Variants in HIBCH observed in about 807,000 individuals in gnomAD.
HIBCH encodes the protein 3-hydroxyisobutyryl-CoA hydrolase, mitochondrial.
A neutral mutation model predicts 58.2 loss-of-function variants in HIBCH; 50 were observed. The ratio of observed to expected loss-of-function variants is 0.86; its 90% CI spans 0.68 to 1.09. The LOEUF is 1.09. HIBCH is among the 50% of genes least tolerant of loss of function. HIBCH has a pLI of 0.00. For synonymous variants in HIBCH, 151 were observed against 146.9 expected, an observed-to-expected ratio of 1.03 and a Z score of -0.20; for missense variants, 450 against 449.7, an observed-to-expected ratio of 1.00 and a Z score of -0.01.
intron 2 of HIBCH, among the ~76,000 whole-genome samples, chr2:190,301,504 G>A (rs531126296): frequency 6.6e-6 from 1 of 152,284 alleles, no homozygotes; most frequent in East Asian, 1.9e-4. Flanking sequence ...AAGGAGTAGT[G>A]CCTGACTACA....
downstream of HIBCH, chr2:190,200,128 AT>A (rs1168193655): frequency 6.2e-7 from 1 of 1,613,804 alleles, no homozygotes; most frequent in Non-Finnish European, 8.5e-7. Flanking sequence ...CATTCCATAC[AT>A]TGAGAGTGAG....
chr2:190,238,559 G>A (rs938233355), intron 11 of HIBCH, among the ~76,000 whole-genome samples: 1 of 152,152 alleles, frequency 6.6e-6, no homozygotes, highest in Non-Finnish European at 1.5e-5. Context: ...CTGCCTCCCA[G>A]GTTCAAGCGA....
chr2:190,303,091 G>A (rs2124841318), intron 2 of HIBCH, among the ~76,000 whole-genome samples: 1 of 152,194 alleles, frequency 6.6e-6, no homozygotes, highest in Middle Eastern at 3.4e-3. Context: ...CCTGACCTAT[G>A]GTACTGGATT....
intron 1 of HIBCH, among the ~76,000 whole-genome samples, chr2:190,318,086 A>C (rs1334058538): frequency 1.3e-5 from 2 of 151,942 alleles, no homozygotes; most frequent in Admixed American, 1.3e-4. Flanking sequence ...TCGGCCTCCC[A>C]AAGTGCTGGG....
At chr2:190,195,114 A>G (rs932628020) in intron 1 of HIBCH, among the ~76,000 whole-genome samples, 1 of 152,136 alleles carries the variant, frequency 6.6e-6, no homozygotes, top group Non-Finnish European at 1.5e-5. Context: ...TACTCGCCTC[A>G]GCCTCCCAAA....
chr2:190,245,585 T>TA (rs1046673406), intron 10 of HIBCH, among the ~76,000 whole-genome samples: 28 of 151,064 alleles, frequency 1.9e-4, no homozygotes, highest in East Asian at 7.7e-4. Context: ...TTCCCCACTT[T>TA]AAAAAAAAAG....
chr2:190,276,796 C>G (rs1687564685), intron 6 of HIBCH, among the ~76,000 whole-genome samples: 1 of 152,112 alleles, frequency 6.6e-6, no homozygotes, highest in South Asian at 2.1e-4. Flanking sequence ...GACTAACACA[C>G]CAGTCTTTAA....
chr2:190,207,885 AAAAATAAAAT>A lies in HIBCH; in HGVS notation c.1045+985_1045+994del, dbSNP rs150198413. Among the ~76,000 whole-genome samples the A allele has an allele frequency of 6.6e-6, 1 of 151,576 alleles. No homozygotes were observed. The highest frequency in any genetic ancestry group is 2.4e-5 in the African/African-American group (1 of 41,120). On this transcript the variant is annotated intron_variant, in intron 13 of 13. Coordinates refer to ENST00000359678, the MANE Select transcript of HIBCH (RefSeq NM_014362.4). The surrounding 1 kb of genome is among the most constrained non-coding windows in gnomAD (Gnocchi z 4.5). The stretch of plus-strand genomic sequence containing the variant: ...GACAGTGTGAGACCCTGTCTCCAAA[AAAAATAAAAT>A]AAAATAAAAAAAACAAAGGATATCC...
Position 190,281,348 on chromosome 2 carries a change from C to T in HIBCH, c.438+6238G>A, listed in dbSNP as rs1294963243. ...ATATCTTCTGGAGCTGCAGGTCAAG[C>T]TGTACCTGGGGCACTTGAGCCATAG... On this transcript the variant is annotated intron_variant, in intron 6 of 13. Coordinates refer to ENST00000359678, the MANE Select transcript of HIBCH (RefSeq NM_014362.4). The surrounding 1 kb of genome is among the most constrained non-coding windows in gnomAD (Gnocchi z 5.4). Among the ~76,000 whole-genome samples the T allele has an allele frequency of 6.6e-6, 1 of 152,186 alleles. No individual in the cohort carries two copies. The highest frequency in any genetic ancestry group is 1.5e-5 in the Non-Finnish European group (1 of 68,036).
At chr2:190,234,864 T>C (rs1218706666) in intron 11 of HIBCH, among the ~76,000 whole-genome samples, 2 of 149,880 alleles carry the variant, frequency 1.3e-5, no homozygotes, top group Admixed American at 6.7e-5. Context: ...ACAAAACGTA[T>C]GGTGTGAGAA....
intron 1 of HIBCH, among the ~76,000 whole-genome samples, chr2:190,196,986 T>A (rs1690010756): frequency 6.6e-6 from 1 of 152,192 alleles, no homozygotes; most frequent in African/African-American, 2.4e-5. Flanking sequence ...GTTTAAGGCA[T>A]GAGCATATAT....
At chr2:190,201,480 C>T (rs1013530513), downstream of HIBCH, 1 of 166,842 alleles carries the variant, frequency 6.0e-6, no homozygotes, top group Non-Finnish European at 1.5e-5. Flanking sequence ...CCACAATACA[C>T]CATTGGTATT....
At chr2:190,271,381 C>T (rs930976969) in intron 6 of HIBCH, among the ~76,000 whole-genome samples, 12 of 150,850 alleles carry the variant, frequency 8.0e-5, no homozygotes, top group Admixed American at 4.0e-4. Context: ...CTCTACCTCC[C>T]GGGTTTCAAG....
chr2:190,314,768 C>T lies in HIBCH; in HGVS notation c.36-3972G>A, dbSNP rs1040413417. 2.6e-5 allele frequency among the ~76,000 whole-genome samples: 4 copies of T among 151,964 alleles called. No individual in the cohort carries two copies. The East Asian group carries it at 5.9e-4, about 22-fold the overall frequency. On this transcript the variant is annotated intron_variant, in intron 1 of 13. Coordinates refer to ENST00000359678, the MANE Select transcript of HIBCH (RefSeq NM_014362.4). Reference sequence around the variant, plus strand: ...TGCTGGGATGACAGGTGTGAGCCACCGCACCCAGCCCATTCGTTCTAATTC... The same window carrying T: ...TGCTGGGATGACAGGTGTGAGCCACTGCACCCAGCCCATTCGTTCTAATTC...
At chr2:190,314,316 T>TAA (rs1688642427) in intron 1 of HIBCH, among the ~76,000 whole-genome samples, 1 of 9,820 alleles carries the variant, frequency 1.0e-4, no homozygotes, top group African/African-American at 1.3e-4. Context: ...TATGTGTATA[T>TAA]ATATGTATAT....
chr2:190,219,453 C>G (rs1044188364), intron 11 of HIBCH, among the ~76,000 whole-genome samples: 5 of 152,204 alleles, frequency 3.3e-5, no homozygotes, highest in Admixed American at 6.5e-5. Flanking sequence ...TTCTCCACCA[C>G]TTAGTTTCTC....
At chr2:190,260,664 A>C (rs575172001) in intron 7 of HIBCH, among the ~76,000 whole-genome samples, 1 of 152,206 alleles carries the variant, frequency 6.6e-6, no homozygotes, top group East Asian at 1.9e-4. Flanking sequence ...ACCATGATTG[A>C]CATCTATAGA....
chr2:190,202,186 T>C (rs565567829), downstream of HIBCH: 3 of 167,146 alleles, frequency 1.8e-5, no homozygotes. Flanking sequence ...AGAAGTCTGA[T>C]TTCTGTTGCT....
chr2:190,277,097 ATT>A (rs1211531246), intron 6 of HIBCH, among the ~76,000 whole-genome samples: 2 of 152,218 alleles, frequency 1.3e-5, no homozygotes, highest in Non-Finnish European at 2.9e-5. Context: ...AGATAAAAAA[ATT>A]TGTCTTCCCC....
Sources: gnomAD v4.1 joint callset for allele counts (sites outside exome capture counted in the v4.1 genomes callset) on GRCh38, gnomAD v4.1.1 for gene constraint, Gnocchi (gnomAD v3.1) non-coding constraint, MANE v1.5 for transcripts, NCBI Gene and HGNC (gene_info 2026-07-23, HGNC 2026-07-21) for gene names.